Variants in EGFR observed in about 807,000 individuals in gnomAD.
The protein encoded by EGFR is epidermal growth factor receptor, also known as avian erythroblastic leukemia viral (v-erb-b) oncogene homolog.
EGFR carries 58 observed loss-of-function variants against 143.0 expected under a neutral mutation model. The observed-to-expected ratio is 0.41, with a 90% CI of 0.33 to 0.50. EGFR has a LOEUF of 0.50. EGFR is among the 20% of genes least tolerant of loss of function. The pLI, the probability that EGFR is intolerant of heterozygous loss-of-function variation, is 0.39. For missense variants in EGFR, 1,307 were observed against 1,579.0 expected (o/e 0.83, Z 2.92); for synonymous variants, 613 against 594.4 (o/e 1.03, Z -0.45).
At chr7:55,083,456 G>A (rs1790582752) in intron 1 of EGFR, among the ~76,000 whole-genome samples, 1 of 152,224 alleles carries the variant, frequency 6.6e-6, no homozygotes, top group Non-Finnish European at 1.5e-5. Flanking sequence ...CCTGACGTCA[G>A]TGGTCTAGAC....
At chr7:55,176,956 T>G (rs1159400179) in intron 19 of EGFR, among the ~76,000 whole-genome samples, 3 of 149,258 alleles carry the variant, frequency 2.0e-5, no homozygotes, top group African/African-American at 7.3e-5. Flanking sequence ...AATATATATA[T>G]ATCCCTAAAT....
At chr7:55,042,658 C>G (rs1238135424) in intron 1 of EGFR, among the ~76,000 whole-genome samples, 1 of 152,040 alleles carries the variant, frequency 6.6e-6, no homozygotes, top group Non-Finnish European at 1.5e-5. Flanking sequence ...TATGGGCTCA[C>G]CAACCAGGTG....
intron 15 of EGFR, 106 bp downstream of exon 15, chr7:55,165,543 A>G: frequency 6.9e-7 from 1 of 1,459,364 alleles, no homozygotes. Context: ...TTTGTATTTG[A>G]GTCAGTTACT....
chr7:55,146,249 C>T (rs531242076), intron 3 of EGFR, among the ~76,000 whole-genome samples: 1 of 152,012 alleles, frequency 6.6e-6, no homozygotes, highest in Admixed American at 6.5e-5. Flanking sequence ...CTGCCTACCC[C>T]CTACATCATG....
chr7:55,150,111 T>A (rs1339408272), intron 4 of EGFR, among the ~76,000 whole-genome samples: 3 of 152,210 alleles, frequency 2.0e-5, no homozygotes, highest in African/African-American at 7.2e-5. Flanking sequence ...GGCAAATGTT[T>A]CCCGTTAGAA....
intron 1 of EGFR, among the ~76,000 whole-genome samples, chr7:55,040,853 A>G (rs539512125): frequency 1.3e-5 from 2 of 152,350 alleles, no homozygotes; most frequent in African/African-American, 2.4e-5. Context: ...CTACATTTCA[A>G]TAATTATCAG....
intron 1 of EGFR, among the ~76,000 whole-genome samples, chr7:55,032,097 C>G (rs532168611): frequency 5.3e-5 from 8 of 152,140 alleles, no homozygotes; most frequent in African/African-American, 1.7e-4. Flanking sequence ...CTAGGTACCA[C>G]GTAATGTTAT....
intron 1 of EGFR, among the ~76,000 whole-genome samples, chr7:55,040,870 G>A (rs1009350754): frequency 1.3e-5 from 2 of 152,196 alleles, no homozygotes; most frequent in Non-Finnish European, 2.9e-5. Flanking sequence ...TCAGGTGAAA[G>A]CTACTGCATC....
intron 1 of EGFR, among the ~76,000 whole-genome samples, chr7:55,054,568 T>C (rs1019437508): frequency 2.6e-5 from 4 of 152,202 alleles, no homozygotes; most frequent in Non-Finnish European, 4.4e-5. Context: ...CAACAGTTGC[T>C]CCAGACAGGT....
chr7:55,043,477 G>A (rs1252587647), intron 1 of EGFR, among the ~76,000 whole-genome samples: 1 of 152,148 alleles, frequency 6.6e-6, no homozygotes, highest in Non-Finnish European at 1.5e-5. Context: ...TTATGCCTCA[G>A]CCTCCCAAGT....
At chr7:55,203,512 C>T (rs1787959659) in intron 27 of EGFR, among the ~76,000 whole-genome samples, 1 of 148,618 alleles carries the variant, frequency 6.7e-6, no homozygotes, top group South Asian at 2.2e-4. Context: ...ACACTACACA[C>T]ACCATTACAT....
At chr7:55,075,354 T>C (rs1011488670) in intron 1 of EGFR, among the ~76,000 whole-genome samples, 1 of 152,230 alleles carries the variant, frequency 6.6e-6, no homozygotes, top group East Asian at 1.9e-4. Context: ...ATTTTATTAA[T>C]TGAGCTGTGA....
At chr7:55,154,584 T>C (rs1042505948) in intron 7 of EGFR, among the ~76,000 whole-genome samples, 18 of 152,254 alleles carry the variant, frequency 1.2e-4, no homozygotes, top group Admixed American at 3.3e-4. Context: ...CCTGCCTTCT[T>C]GAGTGGTTAA....
intron 1 of EGFR, among the ~76,000 whole-genome samples, chr7:55,116,298 C>T (rs536568783): frequency 3.0e-4 from 46 of 152,326 alleles, no homozygotes; most frequent in South Asian, 1.9e-3. Flanking sequence ...CCTGTGCCCA[C>T]GCAATGCGCA....
At chr7:55,135,776 AT>A (rs1268831727) in intron 1 of EGFR, among the ~76,000 whole-genome samples, 3 of 152,248 alleles carry the variant, frequency 2.0e-5, no homozygotes, top group African/African-American at 4.8e-5. Context: ...AATTTATAAA[AT>A]TTTTTTATGT....
At chr7:55,064,680 C>G (rs1037837042) in intron 1 of EGFR, among the ~76,000 whole-genome samples, 9 of 152,062 alleles carry the variant, frequency 5.9e-5, no homozygotes, top group Non-Finnish European at 1.0e-4. Flanking sequence ...TATGACAGCC[C>G]CAAGAAAAGA....
chr7:55,043,871 G>A (rs916518240), intron 1 of EGFR: 4 of 152,194 alleles, frequency 2.6e-5, no homozygotes, highest in Admixed American at 1.3e-4. Flanking sequence ...GTGCCCAGAA[G>A]AGCAACAGCC....
Position 55,160,226 on chromosome 7 carries a change from A to C in EGFR, c.1386A>C (p.Ile462=). ...SLKEISDGDV[I]ISGNKNLCYA... ...AGGAGATAAGTGATGGAGATGTGAT[A>C]ATTTCAGGAAACAAAAATTTGTGCT... The change falls in exon 12 of 28, where the codon ATA becomes ATC. Residue 462 remains isoleucine, a synonymous_variant. Coordinates refer to ENST00000275493, the MANE Select transcript of EGFR (RefSeq NM_005228.5). 6.2e-7 allele frequency: 1 copy of C among 1,614,194 alleles called. No homozygotes were observed. Among genetic ancestry groups the C allele is most frequent in the Non-Finnish European group, 8.5e-7 (1 of 1,180,042 alleles).
At chr7:55,182,246 G>A (rs560892819) in intron 20 of EGFR, 14 of 152,756 alleles carry the variant, frequency 9.2e-5, no homozygotes, top group African/African-American at 3.4e-4. Context: ...TGACTTTAAA[G>A]GATTTGCAGG....
Sources: allele counts gnomAD v4.1 joint callset (sites outside exome capture counted in the v4.1 genomes callset), GRCh38; gene constraint gnomAD v4.1.1; transcripts MANE v1.5; gene names NCBI Gene and HGNC (gene_info 2026-07-23, HGNC 2026-07-21).